CCSER2: variants seen among roughly 807,000 people sequenced by gnomAD.
CCSER2 encodes coiled-coil serine rich protein 2, also known as serine-rich coiled-coil domain-containing protein 2.
A neutral mutation model predicts 92.3 loss-of-function variants in CCSER2; 46 were observed. The observed-to-expected ratio is 0.50, with a 90% confidence interval of 0.39 to 0.64. The LOEUF (loss-of-function observed/expected upper bound fraction) is 0.64, where lower values mean the gene tolerates loss of function less well. Ranked by LOEUF, CCSER2 falls within the 30% of genes least tolerant of loss-of-function variation. The probability of loss-of-function intolerance (pLI) is 0.00; values close to 1 mark genes in which losing one functional copy is unlikely to be tolerated. For missense variants in CCSER2, 1,244 were observed against 1,238.9 expected, an observed-to-expected ratio of 1.00 and a Z score of -0.06; for synonymous variants, 433 against 431.4, an observed-to-expected ratio of 1.00 and a Z score of -0.04.
intron 3 of CCSER2, among the ~76,000 whole-genome samples, chr10:84,415,270 A>G (rs927749205): frequency 6.6e-6 from 1 of 152,116 alleles, no homozygotes; most frequent in Non-Finnish European, 1.5e-5. Flanking sequence ...ATTCTTTCTC[A>G]TATTTATGGG....
In CCSER2 at chr10:84,372,393, G is replaced by A. The variant is rs772979371; in HGVS notation, c.1341G>A (p.Gln447=). The A allele has an allele frequency of 6.2e-7, 1 of 1,607,712 alleles. No homozygotes were observed. The highest frequency in any genetic ancestry group is 8.5e-7 in the Non-Finnish European group (1 of 1,178,264). Residue 447 remains glutamine, a synonymous_variant, in exon 2 of 10, where the codon CAG becomes CAA. Coordinates refer to ENST00000372088, the MANE Select transcript of CCSER2 (RefSeq NM_001284240.2). The part of the protein sequence containing the change: ...KEEKHENGPP[Q]DMFDSPKENE... ...AGAAACATGAAAATGGGCCACCACA[G>A]GATATGTTTGATTCCCCCAAGGAAA...
At chr10:84,339,928 G>A (rs927441448) in intron 1 of CCSER2, among the ~76,000 whole-genome samples, 3 of 151,870 alleles carry the variant, frequency 2.0e-5, no homozygotes, top group African/African-American at 4.8e-5. Flanking sequence ...AGCAGCCTCC[G>A]CCTCCCAGGT....
At chr10:84,474,022 C>T (rs1160151269) in intron 8 of CCSER2, among the ~76,000 whole-genome samples, 2 of 152,206 alleles carry the variant, frequency 1.3e-5, no homozygotes, top group Admixed American at 6.5e-5. Flanking sequence ...AATCAGATTG[C>T]AGCGCTCTGA....
At chr10:84,348,013 C>T (rs1355713986) in intron 1 of CCSER2, among the ~76,000 whole-genome samples, 9 of 152,214 alleles carry the variant, frequency 5.9e-5, no homozygotes, top group South Asian at 4.1e-4. Context: ...AAACGATGGG[C>T]GGCCAGGCAG....
Position 84,371,985 on chromosome 10 carries a change from T to C in CCSER2, c.933T>C (p.Ser311=). Residue 311 remains serine (S), a synonymous_variant, in exon 2 of 10, where the codon TCT becomes TCC. Transcript: ENST00000372088. The part of the protein sequence containing the change: ...LALPNGPGVT[S]TLGYRMVHPS... Reference sequence around the variant, plus strand: ...TACCAAATGGCCCAGGTGTAACTTCTACTTTAGGTTATAGAATGGTTCATC... The same window carrying C: ...TACCAAATGGCCCAGGTGTAACTTCCACTTTAGGTTATAGAATGGTTCATC... The C allele has an allele frequency of 6.2e-7, 1 of 1,613,772 alleles. No individual in the cohort carries two copies. Among genetic ancestry groups the C allele is most frequent in the East Asian group, 2.2e-5 (1 of 44,872 alleles).
chr10:84,393,344 G>C (rs1221765704), intron 3 of CCSER2, among the ~76,000 whole-genome samples: 2 of 151,936 alleles, frequency 1.3e-5, no homozygotes, highest in East Asian at 3.9e-4. Context: ...TAAATTACGT[G>C]GTAAAAGATG....
At chr10:84,462,335 G>A (rs551623891) in intron 6 of CCSER2, among the ~76,000 whole-genome samples, 8 of 152,272 alleles carry the variant, frequency 5.3e-5, no homozygotes, top group African/African-American at 1.9e-4. Context: ...TGCATTTAAT[G>A]CAAAGCAGTA....
At chr10:84,369,946 G>T (rs1230795480) in intron 1 of CCSER2, among the ~76,000 whole-genome samples, 2 of 151,918 alleles carry the variant, frequency 1.3e-5, no homozygotes, top group Admixed American at 6.6e-5. Flanking sequence ...CTTTGTCAAA[G>T]GTCAGTTGAT....
chr10:84,371,554 A>T lies in CCSER2; in HGVS notation c.502A>T (p.Thr168Ser), dbSNP rs1846062235. ...AAGGACTTCATATTCTTCGATCAAT[A>T]CTCCAAAATCACAGTTGAATGGATT... ...LGRTSYSSIN[T>S]PKSQLNGFYG... The change falls in exon 2 of 10, where the codon ACT (threonine) becomes TCT (serine). Residue 168 changes from threonine to serine, a missense_variant. Coordinates refer to ENST00000372088, the MANE Select transcript of CCSER2 (RefSeq NM_001284240.2). The T allele has an allele frequency of 6.2e-7, 1 of 1,613,624 alleles. No individual in the cohort carries two copies.
At chr10:84,436,363 C>T (rs1300376677) in intron 5 of CCSER2, among the ~76,000 whole-genome samples, 3 of 116,452 alleles carry the variant, frequency 2.6e-5, no homozygotes, top group African/African-American at 6.8e-5. Flanking sequence ...ATGCCGGGCG[C>T]GGTGTCTCAA....
At chr10:84,428,533 T>C (rs530890244) in intron 5 of CCSER2, among the ~76,000 whole-genome samples, 1 of 152,306 alleles carries the variant, frequency 6.6e-6, no homozygotes. Context: ...TGTGGGATTT[T>C]CTATATACAA....
At chr10:84,484,490 CGTGT>C (rs143391336) in intron 9 of CCSER2, among the ~76,000 whole-genome samples, 30 of 147,380 alleles carry the variant, frequency 2.0e-4, no homozygotes, top group South Asian at 1.1e-3. Flanking sequence ...TGTGCATGCA[CGTGT>C]GTGTGTGTGT....
chr10:84,363,830 G>A (rs1220688918), intron 1 of CCSER2, among the ~76,000 whole-genome samples: 1 of 152,128 alleles, frequency 6.6e-6, no homozygotes, highest in East Asian at 1.9e-4. Context: ...TAACGAAGGG[G>A]ATCTGTTCTG....
chr10:84,390,952 A>C, intron 3 of CCSER2: 1 of 762,276 alleles, frequency 1.3e-6, no homozygotes, highest in Non-Finnish European at 2.5e-6. Context: ...CTTTGCTTAT[A>C]TACTTGATAC....
intron 1 of CCSER2, among the ~76,000 whole-genome samples, chr10:84,344,066 C>A (rs776005296): frequency 6.6e-6 from 1 of 152,134 alleles, no homozygotes; most frequent in Non-Finnish European, 1.5e-5. Context: ...AATCACTGTA[C>A]CTCTGCATCA....
At chr10:84,331,406 C>G (rs776560290) in intron 1 of CCSER2, among the ~76,000 whole-genome samples, 3 of 152,214 alleles carry the variant, frequency 2.0e-5, no homozygotes, top group Admixed American at 1.3e-4. Flanking sequence ...CACTATTCCT[C>G]TCAGCCAGAT....
At chr10:84,344,388 AT>A (rs1456075367) in intron 1 of CCSER2, among the ~76,000 whole-genome samples, 3 of 150,294 alleles carry the variant, frequency 2.0e-5, no homozygotes, top group Non-Finnish European at 3.0e-5. Flanking sequence ...CTGTTGCTTT[AT>A]TTTTTTCTTT....
intron 6 of CCSER2, among the ~76,000 whole-genome samples, chr10:84,445,634 C>T (rs1047107272): frequency 2.0e-5 from 3 of 152,148 alleles, no homozygotes; most frequent in Non-Finnish European, 2.9e-5. Flanking sequence ...TCTGCTTGCC[C>T]ATTCTCATGG....
intron 1 of CCSER2, among the ~76,000 whole-genome samples, chr10:84,332,436 A>ATATATTTTTTTTTTTT (rs1401635246): frequency 1.8e-5 from 1 of 55,212 alleles, no homozygotes; most frequent in African/African-American, 1.1e-4. Flanking sequence ...ATATATATAT[A>ATATATTTTTTTTTTTT]TTTTTTTTTT....
Sources: gnomAD v4.1 joint callset for allele counts (sites outside exome capture counted in the v4.1 genomes callset) on GRCh38, gnomAD v4.1.1 for gene constraint, MANE v1.5 for transcripts, NCBI Gene and HGNC (gene_info 2026-07-23, HGNC 2026-07-21) for gene names.